Variants in PLEKHM2 observed in about 807,000 individuals in gnomAD.
PLEKHM2 encodes the protein pleckstrin homology domain-containing family M member 2.
In PLEKHM2, 77 loss-of-function variants were observed where a neutral mutation model predicts 116.3. That is an observed-to-expected ratio of 0.66 (90% CI 0.55 to 0.80). The LOEUF (loss-of-function observed/expected upper bound fraction) is 0.80. PLEKHM2 is among the 30% of genes least tolerant of loss of function. PLEKHM2 has a pLI of 0.00. For missense variants in PLEKHM2, 1,183 were observed against 1,354.9 expected, an observed-to-expected ratio of 0.87 and a Z score of 1.99; for synonymous variants, 562 against 571.0, an observed-to-expected ratio of 0.98 and a Z score of 0.22.
chr1:15,697,563 A>G (rs572777120), intron 1 of PLEKHM2, among the ~76,000 whole-genome samples: 41 of 152,338 alleles, frequency 2.7e-4, no homozygotes, highest in Admixed American at 4.6e-4. Context: ...TTCAGCTGTC[A>G]TTTTTCCTAC....
intron 1 of PLEKHM2, among the ~76,000 whole-genome samples, chr1:15,686,629 C>T (rs1267615470): frequency 2.0e-5 from 3 of 148,414 alleles, no homozygotes; most frequent in African/African-American, 5.2e-5. Flanking sequence ...TACAGGTGTG[C>T]GCCACCACAC....
chr1:15,730,425 G>A, intron 14 of PLEKHM2, 107 bp from the exon 15 acceptor site: 4 of 870,490 alleles, frequency 4.6e-6, no homozygotes, highest in Non-Finnish European at 6.8e-6. Context: ...CTGGGCGACA[G>A]AGCGAGACTC....
chr1:15,694,530 C>A (rs1640952156), intron 1 of PLEKHM2, among the ~76,000 whole-genome samples: 1 of 152,092 alleles, frequency 6.6e-6, no homozygotes. Flanking sequence ...CCCTATCCTC[C>A]TTGGTGTTGC....
chr1:15,710,459 C>G (rs1408183436), intron 1 of PLEKHM2, among the ~76,000 whole-genome samples: 3 of 151,590 alleles, frequency 2.0e-5, no homozygotes, highest in African/African-American at 7.3e-5. Context: ...TCCCGAGTAG[C>G]TGGGATTACA....
At chr1:15,702,772 G>A (rs912883014) in intron 1 of PLEKHM2, among the ~76,000 whole-genome samples, 34 of 141,094 alleles carry the variant, frequency 2.4e-4, no homozygotes, top group Non-Finnish European at 1.5e-5. Context: ...CCAGGCTGGA[G>A]TACAGAGGTG....
intron 7 of PLEKHM2, 118 bp from the exon 8 acceptor site, chr1:15,725,199 C>G (rs1219695054): frequency 4.3e-6 from 3 of 696,628 alleles, no homozygotes; most frequent in Admixed American, 4.7e-5. Context: ...CCACCCCTGT[C>G]AGGTTTCCCT....
chr1:15,701,595 C>T (rs1272702049), intron 1 of PLEKHM2, among the ~76,000 whole-genome samples: 1 of 152,128 alleles, frequency 6.6e-6, no homozygotes, highest in African/African-American at 2.4e-5. Flanking sequence ...CGTGACCATC[C>T]TGGCTAACAC....
Position 15,716,907 on chromosome 1 carries a change from A to G in PLEKHM2, c.277+91A>G, listed in dbSNP as rs960355707. On this transcript the variant is annotated intron_variant, in intron 3 of 19. Transcript: ENST00000375799. ...CTGTCCCAGGTTTACCCTCAGGGTC[A>G]GCCCTGGGAGGCAAATTACCTGGTG... 3 of 1,489,020 alleles carry G rather than the reference A, an allele frequency of 2.0e-6. No individual in the cohort carries two copies. The South Asian group carries it at 3.7e-5, about 18-fold the overall frequency. The allele number at this position is 1,489,020 out of a possible 1,614,324, so 92.2% of individuals were successfully genotyped here.
At position 15,691,675 on chromosome 1, in the gene PLEKHM2, G is replaced by A. The variant is rs528124707; in HGVS notation, c.60+7057G>A. Among the ~76,000 whole-genome samples the A allele has an allele frequency of 9.2e-5, 14 of 152,308 alleles. No homozygotes were observed. The South Asian group carries it at 1.5e-3, about 16-fold the overall frequency. On this transcript the variant is annotated intron_variant, in intron 1 of 19. Coordinates refer to ENST00000375799, the MANE Select transcript of PLEKHM2 (RefSeq NM_015164.4). ...CTAGTCGGGATCGGGATTTACTGGCGCTGGTGAATGAGCCACAGCTGTTGT... is the reference window on the plus strand; with the variant it reads ...CTAGTCGGGATCGGGATTTACTGGCACTGGTGAATGAGCCACAGCTGTTGT...
intron 1 of PLEKHM2, among the ~76,000 whole-genome samples, chr1:15,707,998 C>T (rs1641258270): frequency 6.6e-6 from 1 of 152,060 alleles, no homozygotes; most frequent in Non-Finnish European, 1.5e-5. Flanking sequence ...GATTCTCCTG[C>T]CTCAGCCTCC....
chr1:15,686,595 C>G (rs575987839), intron 1 of PLEKHM2, among the ~76,000 whole-genome samples: 2 of 151,670 alleles, frequency 1.3e-5, no homozygotes, highest in Non-Finnish European at 2.9e-5. Context: ...ATTCTTCTGC[C>G]TCGGCCTCTC....
At chr1:15,682,634 AAAAC>A (rs1640670603), upstream of PLEKHM2, among the ~76,000 whole-genome samples, 1 of 117,422 alleles carries the variant, frequency 8.5e-6, no homozygotes, top group Non-Finnish European at 1.7e-5. Context: ...CAAACAAAAC[AAAAC>A]AAAACAAAAA....
In PLEKHM2 at chr1:15,726,204, T is replaced by C. The variant is rs115574601; in HGVS notation, c.941+659T>C. Among the ~76,000 whole-genome samples the C allele has an allele frequency of 1.2e-3, 179 of 152,354 alleles. 1 individual carries two copies. The highest frequency in any genetic ancestry group is 1.9e-3 in the Admixed American group (29 of 15,304). On this transcript the variant is annotated intron_variant, in intron 8 of 19. Transcript: ENST00000375799. ...TCTTCCCAAGGGAGTTCTTGGAAGT[T>C]AAGATACAATTTCTGAGATTCATTG...
rs768068764 is a variant in PLEKHM2, at chr1:15,732,375, G to A, written c.2651G>A (p.Ser884Asn). ...KGVIPQGVAPSPCIPCCLVLT... is the reference protein window; with the variant it reads ...KGVIPQGVAPNPCIPCCLVLT... ...GTCATCCCCCAGGGCGTAGCTCCCA[G>A]CCCCTGCATACCCTGCTGCCTGGTC... Residue 884 changes from serine to asparagine, a missense_variant, in exon 18 of 20, where the codon AGC becomes AAC. By Grantham distance (46) the Ser-to-Asn change is conservative. Transcript: ENST00000375799. 1.7e-5 allele frequency: 27 copies of A among 1,557,302 alleles called. No homozygotes were observed. The highest frequency in any genetic ancestry group is 3.3e-4 in the Middle Eastern group (2 of 6,016).
At chr1:15,720,593 C>G (rs1158007553) in intron 6 of PLEKHM2, 4 of 452,430 alleles carry the variant, frequency 8.8e-6, no homozygotes. Context: ...CCCTCTTTAT[C>G]TCCTGTAGGA....
rs78612337 is a variant in PLEKHM2 at position 15,714,570 on chromosome 1, A to ACAGGCCTGC, written c.61-1661_61-1653dup. ...GCAGGACTGAGGTTTGTCCTGGCTG[A>ACAGGCCTGC]CAGGCCTGCCAGGCTTGTTCCGGGC... On this transcript the variant is annotated intron_variant, in intron 1 of 19. Coordinates refer to ENST00000375799, the MANE Select transcript of PLEKHM2 (RefSeq NM_015164.4). Among the ~76,000 whole-genome samples the ACAGGCCTGC allele has an allele frequency of 4.3e-3, 655 of 152,262 alleles. 2 individuals are homozygous for ACAGGCCTGC. The highest frequency in any genetic ancestry group is 7.3e-3 in the Admixed American group (111 of 15,294).
rs141288088 is a variant in PLEKHM2 at position 15,686,875 on chromosome 1, C to T, written c.60+2257C>T. ...CATGTTAACCAGGGATGGTCTCGAT[C>T]TCCTCACCTTGTGATCTGCCCGCTT... On this transcript the variant is annotated intron_variant, in intron 1 of 19. Coordinates refer to ENST00000375799, the MANE Select transcript of PLEKHM2 (RefSeq NM_015164.4). Among the ~76,000 whole-genome samples, 156 of 152,148 alleles carry T rather than the reference C, an allele frequency of 1.0e-3. 3 individuals are homozygous for T. The East Asian group carries it at 0.028, about 28-fold the overall frequency.
chr1:15,720,937 C>T (rs2067989560), intron 6 of PLEKHM2: 2 of 172,146 alleles, frequency 1.2e-5, no homozygotes, highest in South Asian at 3.0e-4. Flanking sequence ...GGAGGTGTCC[C>T]CTCAGCAATT....
chr1:15,715,513 C>T (rs111614951), intron 1 of PLEKHM2, among the ~76,000 whole-genome samples: 39 of 152,040 alleles, frequency 2.6e-4, no homozygotes, highest in African/African-American at 8.9e-4. Context: ...TGGTGGTGGG[C>T]ACCTGTAATC....
Sources: gnomAD v4.1 joint callset for allele counts (sites outside exome capture counted in the v4.1 genomes callset) on GRCh38, gnomAD v4.1.1 for gene constraint, MANE v1.5 for transcripts, NCBI Gene and HGNC (gene_info 2026-07-23, HGNC 2026-07-21) for gene names.